RPSA2: variants seen among roughly 807,000 people sequenced by gnomAD.
RPSA2 encodes the protein small ribosomal subunit protein uS2B.
the RPSA2 span, among the ~76,000 whole-genome samples, chr19:23,783,908 C>G: frequency 6.6e-6 from 1 of 152,096 alleles, no homozygotes; most frequent in Non-Finnish European, 1.5e-5. Flanking sequence ...TTCCTGTGTC[C>G]TGCTTTCAGG....
chr19:23,866,834 G>A, the RPSA2 span, among the ~76,000 whole-genome samples: 2 of 152,112 alleles, frequency 1.3e-5, no homozygotes, highest in Non-Finnish European at 2.9e-5. Flanking sequence ...GTTCCCACTG[G>A]CATTTGGGGA....
chr19:23,830,118 T>A, the RPSA2 span, among the ~76,000 whole-genome samples: 2 of 152,124 alleles, frequency 1.3e-5, no homozygotes, highest in Non-Finnish European at 2.9e-5. Flanking sequence ...GGTATTTTTT[T>A]TAACAACTTT....
At chr19:23,814,527 T>G in the RPSA2 span, among the ~76,000 whole-genome samples, 1 of 152,194 alleles carries the variant, frequency 6.6e-6, no homozygotes, top group Non-Finnish European at 1.5e-5. Context: ...GAAATTATAA[T>G]GCACCTTTGT....
chr19:23,800,027 C>CTTTTTT, the RPSA2 span, among the ~76,000 whole-genome samples: 410 of 110,776 alleles, frequency 3.7e-3, no homozygotes, highest in East Asian at 6.1e-3. Flanking sequence ...TTTTCTTTTT[C>CTTTTTT]TTTTTTTTTT....
chr19:23,815,725 AT>A, the RPSA2 span, among the ~76,000 whole-genome samples: 1 of 152,058 alleles, frequency 6.6e-6, no homozygotes, highest in African/African-American at 2.4e-5. Context: ...TGAATTTTCT[AT>A]TTATTATTAA....
chr19:23,819,435 G>A, the RPSA2 span: 2 of 152,206 alleles, frequency 1.3e-5, no homozygotes, highest in African/African-American at 4.8e-5. Flanking sequence ...TCCAAGGCAC[G>A]ATTCCTGCAA....
chr19:23,866,725 T>C, the RPSA2 span, among the ~76,000 whole-genome samples: 1 of 152,022 alleles, frequency 6.6e-6, no homozygotes, highest in Non-Finnish European at 1.5e-5. Context: ...AGGAGGAATA[T>C]TGATTGATTC....
chr19:23,790,243 C>T, the RPSA2 span, among the ~76,000 whole-genome samples: 10 of 152,200 alleles, frequency 6.6e-5, no homozygotes, highest in East Asian at 1.4e-3. Context: ...GTGATCCACC[C>T]GCCTAGGCTT....
the RPSA2 span, among the ~76,000 whole-genome samples, chr19:23,844,213 T>G: frequency 6.6e-6 from 1 of 152,194 alleles, no homozygotes; most frequent in African/African-American, 2.4e-5. Flanking sequence ...AAAATATTTC[T>G]TCAGTGTTTT....
At chr19:23,866,848 T>A in the RPSA2 span, among the ~76,000 whole-genome samples, 1 of 152,144 alleles carries the variant, frequency 6.6e-6, no homozygotes, top group Non-Finnish European at 1.5e-5. Flanking sequence ...TTGGGGACAT[T>A]TGCCAGCAGA....
the RPSA2 span, among the ~76,000 whole-genome samples, chr19:23,824,572 T>C: frequency 7.8e-6 from 1 of 128,408 alleles, no homozygotes; most frequent in Non-Finnish European, 1.6e-5. Flanking sequence ...TGACTCATTA[T>C]AGCATTTCTT....
the RPSA2 span, among the ~76,000 whole-genome samples, chr19:23,784,071 A>G: frequency 6.6e-6 from 1 of 152,194 alleles, no homozygotes; most frequent in African/African-American, 2.4e-5. Context: ...ATTGTGACAT[A>G]TAACTTGACA....
the RPSA2 span, among the ~76,000 whole-genome samples, chr19:23,815,599 G>A: frequency 6.6e-5 from 10 of 152,158 alleles, no homozygotes; most frequent in African/African-American, 1.4e-4. Context: ...TGGATTGTGA[G>A]CCATATAATC....
the RPSA2 span, among the ~76,000 whole-genome samples, chr19:23,834,703 AT>A: frequency 6.6e-6 from 1 of 152,082 alleles, no homozygotes; most frequent in South Asian, 2.1e-4. Context: ...CATTTTTAAC[AT>A]GTTAAATACT....
chr19:23,838,480 G>A, the RPSA2 span, among the ~76,000 whole-genome samples: 1 of 151,904 alleles, frequency 6.6e-6, no homozygotes. Flanking sequence ...TTTATCTAGT[G>A]TCAAAAGGTT....
At chr19:23,808,878 C>CT in the RPSA2 span, 1 of 425,244 alleles carries the variant, frequency 2.4e-6, no homozygotes. Flanking sequence ...GAAAGCAAGT[C>CT]TTTAAAGTGA....
chr19:23,762,246 AGCCTGGGCT>A, the RPSA2 span, among the ~76,000 whole-genome samples: 1 of 151,732 alleles, frequency 6.6e-6, no homozygotes, highest in Admixed American at 6.6e-5. Context: ...AACCATTCTC[AGCCTGGGCT>A]GCCTCCCACC....
chr19:23,812,263 A>G, the RPSA2 span, among the ~76,000 whole-genome samples: 4 of 152,178 alleles, frequency 2.6e-5, no homozygotes, highest in South Asian at 8.3e-4. Context: ...GGGTTTAATT[A>G]AAAGATAAAT....
the RPSA2 span, among the ~76,000 whole-genome samples, chr19:23,837,399 G>A: frequency 2.0e-5 from 3 of 152,076 alleles, no homozygotes; most frequent in Non-Finnish European, 4.4e-5. Flanking sequence ...TTGAAATCAG[G>A]TAGTGTGTTT....
Sources: allele counts gnomAD v4.1 joint callset (sites outside exome capture counted in the v4.1 genomes callset), GRCh38; gene constraint gnomAD v4.1.1; transcripts MANE v1.5; gene names NCBI Gene and HGNC (gene_info 2026-07-23, HGNC 2026-07-21).